The following RRAS2 variants were observed in gnomAD, a reference collection of about 807,000 sequenced individuals.
The protein encoded by RRAS2 is ras-related protein R-Ras2.
A neutral mutation model predicts 27.6 loss-of-function variants in RRAS2; 7 were observed. The ratio of observed to expected loss-of-function variants is 0.25; its 90% CI spans 0.14 to 0.48. The LOEUF (loss-of-function observed/expected upper bound fraction) is 0.48. RRAS2 is among the 20% of genes least tolerant of loss of function. The pLI, the probability that RRAS2 is intolerant of heterozygous loss-of-function variation, is 0.99. For synonymous variants in RRAS2, 86 were observed against 90.9 expected (o/e 0.95, Z 0.31); for missense variants, 178 against 256.2 (o/e 0.69, Z 2.08).
In RRAS2 at chr11:14,354,672, C is replaced by CTTT. The variant is rs35556947; in HGVS notation, c.108+4088_108+4090dup. ...AGCAAATAAAACCAAGTAACAATTTCTTTTTTTTTTTTTTTTTTTTTGAGA... is the reference window on the plus strand; with the variant it reads ...AGCAAATAAAACCAAGTAACAATTTCTTTTTTTTTTTTTTTTTTTTTTTTGAGA... On this transcript the variant is annotated intron_variant, in intron 1 of 5. Transcript: ENST00000256196. Among the ~76,000 whole-genome samples the CTTT allele has an allele frequency of 2.6e-3, 291 of 110,352 alleles. 4 individuals are homozygous for CTTT. The highest frequency in any genetic ancestry group is 3.0e-3 in the East Asian group (11 of 3,662). 72.4% of individuals were successfully genotyped at this position (110,352 alleles called of 152,430 possible). A position where few individuals can be genotyped will look rare whatever the true frequency, so the allele number is the denominator to read the frequency against.
chr11:14,344,191 T>C (rs1848780830), intron 1 of RRAS2, among the ~76,000 whole-genome samples: 1 of 152,226 alleles, frequency 6.6e-6, no homozygotes, highest in South Asian at 2.1e-4. Flanking sequence ...CTTGTTGGCA[T>C]GGAAATTCCA....
chr11:14,311,016 G>T (rs1267846374), intron 1 of RRAS2, among the ~76,000 whole-genome samples: 1 of 152,172 alleles, frequency 6.6e-6, no homozygotes, highest in Non-Finnish European at 1.5e-5. Flanking sequence ...AAACTCTGTG[G>T]CAAAGGATTT....
At chr11:14,290,808 T>C (rs1234582645) in intron 4 of RRAS2, among the ~76,000 whole-genome samples, 2 of 152,134 alleles carry the variant, frequency 1.3e-5, no homozygotes, top group Non-Finnish European at 2.9e-5. Context: ...AGAAAGTAAG[T>C]TTCAGGAGTT....
chr11:14,353,456 A>G (rs1849007338), intron 1 of RRAS2, among the ~76,000 whole-genome samples: 1 of 152,090 alleles, frequency 6.6e-6, no homozygotes, highest in Non-Finnish European at 1.5e-5. Context: ...GTTGTGGCAC[A>G]TGCCTGTCTA....
intron 1 of RRAS2, among the ~76,000 whole-genome samples, chr11:14,344,204 C>T (rs550819559): frequency 3.2e-4 from 48 of 152,242 alleles, no homozygotes; most frequent in African/African-American, 1.1e-3. Flanking sequence ...AAATTCCATG[C>T]CATTATCTGA....
chr11:14,294,660 C>T lies in RRAS2; in HGVS notation c.300-81G>A, dbSNP rs1847499215. On this transcript the variant is annotated intron_variant, in intron 3 of 5. Transcript: ENST00000256196. ...AGCAAGTCTCATGCCCCAATTAGTA[C>T]TTTATTTTTCCTTTTTCTATAAAAA... The T allele has an allele frequency of 3.4e-6, 5 of 1,467,916 alleles. No homozygotes were observed. The South Asian group carries it at 4.9e-5, about 14-fold the overall frequency. The allele number at this position is 1,467,916 out of a possible 1,614,324, so 90.9% of individuals were successfully genotyped here.
At chr11:14,355,410 T>G (rs1849051383) in intron 1 of RRAS2, among the ~76,000 whole-genome samples, 1 of 152,188 alleles carries the variant, frequency 6.6e-6, no homozygotes, top group South Asian at 2.1e-4. Context: ...AACAGAACTT[T>G]ACACATTTTT....
At chr11:14,282,785 T>C (rs1554944524) in intron 4 of RRAS2, among the ~76,000 whole-genome samples, 2 of 152,228 alleles carry the variant, frequency 1.3e-5, no homozygotes, top group Non-Finnish European at 2.9e-5. Context: ...GTATATCTCA[T>C]ACTCTGGAAG....
At chr11:14,348,773 TTTCTCTAAGGTTCCTTCC>T (rs1196551794) in intron 1 of RRAS2, among the ~76,000 whole-genome samples, 7 of 152,204 alleles carry the variant, frequency 4.6e-5, no homozygotes, top group African/African-American at 1.7e-4. Flanking sequence ...GAATCCTCCA[TTTCTCTAAGGTTCCTTCC>T]AGTAGAGAAT....
At chr11:14,295,186 C>G (rs1847512423) in intron 2 of RRAS2, among the ~76,000 whole-genome samples, 1 of 152,090 alleles carries the variant, frequency 6.6e-6, no homozygotes, top group Non-Finnish European at 1.5e-5. Flanking sequence ...TTTATCCCCT[C>G]CATGGAAAAA....
intron 1 of RRAS2, among the ~76,000 whole-genome samples, chr11:14,352,752 T>TAGAGAG (rs1364375183): frequency 3.9e-5 from 5 of 127,108 alleles, no homozygotes; most frequent in Non-Finnish European, 8.5e-5. Context: ...AAAATATATA[T>TAGAGAG]ATATAGAGAG....
intron 1 of RRAS2, among the ~76,000 whole-genome samples, chr11:14,312,313 GATATACT>G (rs1847988923): frequency 1.3e-5 from 2 of 152,192 alleles, no homozygotes; most frequent in South Asian, 4.1e-4. Flanking sequence ...GAGCATCTAT[GATATACT>G]ATTCATTTGA....
rs981426188 is a variant in RRAS2, at chr11:14,359,084, G to A, written c.-214C>T. The A allele has an allele frequency of 1.8e-6, 2 of 1,085,960 alleles. No individual in the cohort carries two copies. The highest frequency in any genetic ancestry group is 3.4e-5 in the African/African-American group (2 of 59,684). 67.3% of individuals were successfully genotyped at this position (1,085,960 alleles called of 1,614,324 possible). On this transcript the variant is annotated 5_prime_UTR_variant, in exon 1 of 6. Transcript: ENST00000256196. The stretch of plus-strand genomic sequence containing the variant: ...CGAGGCGCGGAGAAGCGGGGTGACG[G>A]CACGGGCCAGGGGCGGCAGCGGCCG...
At chr11:14,349,900 G>T (rs1322012796) in intron 1 of RRAS2, among the ~76,000 whole-genome samples, 1 of 152,162 alleles carries the variant, frequency 6.6e-6, no homozygotes, top group Non-Finnish European at 1.5e-5. Flanking sequence ...TTTGTCATCA[G>T]TTGATTTGGT....
At chr11:14,280,443 C>A (rs1054623913) in intron 5 of RRAS2, among the ~76,000 whole-genome samples, 1 of 151,916 alleles carries the variant, frequency 6.6e-6, no homozygotes, top group African/African-American at 2.4e-5. Flanking sequence ...AAAATAAATA[C>A]GCAGCCCAGG....
chr11:14,326,282 T>A (rs558318391), intron 1 of RRAS2, among the ~76,000 whole-genome samples: 1 of 152,220 alleles, frequency 6.6e-6, no homozygotes, highest in African/African-American at 2.4e-5. Context: ...TAGACTGTTA[T>A]ATAGCTTTTA....
intron 1 of RRAS2, among the ~76,000 whole-genome samples, chr11:14,349,409 G>A (rs1402493343): frequency 4.0e-5 from 6 of 150,304 alleles, no homozygotes; most frequent in Admixed American, 1.3e-4. Context: ...TGATACACCC[G>A]CCTCAGCCTC....
In RRAS2 at chr11:14,296,556, G is replaced by C. The variant is rs1446352236; in HGVS notation, c.109-701C>G. On this transcript the variant is annotated intron_variant, in intron 1 of 5. Coordinates refer to ENST00000256196, the MANE Select transcript of RRAS2 (RefSeq NM_012250.6). ...ATTAGCAACCTGATTATAATCATCA[G>C]TCCTAAGAAGTCAAGTATCTGGAAA... Among the ~76,000 whole-genome samples the C allele has an allele frequency of 2.6e-5, 4 of 152,252 alleles. No individual in the cohort carries two copies. The East Asian group carries it at 5.8e-4, about 22-fold the overall frequency.
At chr11:14,352,502 A>C (rs1554954921) in intron 1 of RRAS2, among the ~76,000 whole-genome samples, 1 of 152,194 alleles carries the variant, frequency 6.6e-6, no homozygotes, top group East Asian at 1.9e-4. Context: ...CAGACTCAGC[A>C]GCTCTGCCCA....
Sources: allele counts gnomAD v4.1 joint callset (sites outside exome capture counted in the v4.1 genomes callset), GRCh38; gene constraint gnomAD v4.1.1; transcripts MANE v1.5; gene names NCBI Gene and HGNC (gene_info 2026-07-23, HGNC 2026-07-21).